MYH15: variants seen among roughly 807,000 people sequenced by gnomAD.
MYH15 encodes the protein myosin heavy chain 15, also known as myosin-15.
MYH15 carries 227 observed loss-of-function variants against 240.5 expected under a neutral mutation model. The observed-to-expected ratio is 0.94, with a 90% CI of 0.85 to 1.05. MYH15 has a LOEUF of 1.05. Ranked by LOEUF, MYH15 falls within the 50% of genes least tolerant of loss-of-function variation. The pLI, the probability that MYH15 is intolerant of heterozygous loss-of-function variation, is 0.00. For synonymous variants in MYH15, 785 were observed against 796.7 expected (o/e 0.99, Z 0.25); for missense variants, 2,217 against 2,247.5 (o/e 0.99, Z 0.27).
chr3:108,473,327 G>T (rs2083193347), intron 12 of MYH15, among the ~76,000 whole-genome samples: 1 of 152,124 alleles, frequency 6.6e-6, no homozygotes, highest in Admixed American at 6.5e-5. Context: ...TAACTATGTT[G>T]ATCCCTCTCT....
chr3:108,462,966 G>T, intron 16 of MYH15, 145 bp downstream of exon 16: 2 of 883,376 alleles, frequency 2.3e-6, no homozygotes, highest in Non-Finnish European at 3.4e-6. Context: ...CCAGCCTGAA[G>T]ACAGAAAGAC....
chr3:108,547,647 GAAAA>G, the MYH15 span, among the ~76,000 whole-genome samples: 8 of 152,120 alleles, frequency 5.3e-5, no homozygotes, highest in Non-Finnish European at 1.0e-4. Context: ...TGTATTAACT[GAAAA>G]ACTCTAAGTA....
chr3:108,423,740 C>T (rs1255644905), intron 27 of MYH15, among the ~76,000 whole-genome samples: 1 of 152,232 alleles, frequency 6.6e-6, no homozygotes, highest in Non-Finnish European at 1.5e-5. Flanking sequence ...CAAATTCACA[C>T]AGCTATTAAA....
At chr3:108,523,520 CATAT>C in intron 1 of MYH15, among the ~76,000 whole-genome samples, 2 of 151,968 alleles carry the variant, frequency 1.3e-5, no homozygotes, top group East Asian at 3.9e-4. Context: ...CACTCCTGTA[CATAT>C]ATAAATAACA....
chr3:108,489,958 G>A (rs1054087511), intron 9 of MYH15, among the ~76,000 whole-genome samples: 3 of 152,138 alleles, frequency 2.0e-5, no homozygotes, highest in African/African-American at 7.2e-5. Flanking sequence ...ATGAACTCAG[G>A]ATAAGCATGC....
chr3:108,468,871 A>C (rs542401154), intron 14 of MYH15, among the ~76,000 whole-genome samples: 1 of 152,318 alleles, frequency 6.6e-6, no homozygotes, highest in East Asian at 1.9e-4. Flanking sequence ...CAGAAGATAA[A>C]TCTGTTCCTC....
At chr3:108,416,346 T>C (rs193302013) in intron 29 of MYH15, among the ~76,000 whole-genome samples, 252 of 152,326 alleles carry the variant, frequency 1.7e-3, no homozygotes, top group African/African-American at 5.8e-3. Flanking sequence ...TGTTAGTCAC[T>C]ATGCTTTCAT....
intron 14 of MYH15, among the ~76,000 whole-genome samples, chr3:108,466,618 A>G (rs2083120466): frequency 6.6e-6 from 1 of 152,142 alleles, no homozygotes; most frequent in Non-Finnish European, 1.5e-5. Context: ...TACCTGAGTA[A>G]CGGGTTTCAT....
chr3:108,498,726 A>G (rs2083413535), intron 5 of MYH15, among the ~76,000 whole-genome samples: 3 of 152,226 alleles, frequency 2.0e-5, no homozygotes, highest in Admixed American at 2.0e-4. Context: ...TGTCTGTGAA[A>G]GGCTGAACTC....
At chr3:108,469,987 A>T (rs1430120509) in intron 14 of MYH15, 55 bp downstream of exon 14, 13 of 1,538,182 alleles carry the variant, frequency 8.5e-6, no homozygotes, top group Non-Finnish European at 1.1e-5. Context: ...TCAACATAGC[A>T]GGCAGGGACA....
chr3:108,444,508 T>G, intron 22 of MYH15, 132 bp downstream of exon 22: 1 of 1,042,702 alleles, frequency 9.6e-7, no homozygotes, highest in South Asian at 1.6e-5. Context: ...TCATTGTCTT[T>G]GGTTTTATAA....
In MYH15 at chr3:108,454,059, G is replaced by C. The variant is rs367925608; in HGVS notation, c.2346C>G (p.Ala782=). 2 of 1,612,902 alleles carry C rather than the reference G, an allele frequency of 1.2e-6. No individual in the cohort carries two copies. Among genetic ancestry groups the C allele is most frequent in the Non-Finnish European group, 1.7e-6 (2 of 1,179,378 alleles). ...RLSKVFTLFQ[A]RAQGKLMRIK... is the part of the protein sequence containing the mutation. ...TTCGCATCAGTTTGCCCTGTGCTCT[G>C]GCTTGGAACAATGTGAAGACTTTAG... is the stretch of plus-strand genomic sequence containing the variant. Residue 782 remains alanine, a synonymous_variant, in exon 21 of 41, where the codon GCC becomes GCG. Coordinates refer to ENST00000693548, the MANE Select transcript of MYH15 (RefSeq NM_014981.3).
chr3:108,435,656 C>G (rs1223010653), intron 25 of MYH15, among the ~76,000 whole-genome samples: 2 of 145,690 alleles, frequency 1.4e-5, no homozygotes, highest in Admixed American at 1.4e-4. Context: ...CTTTTCAAGG[C>G]TCAATAATAG....
chr3:108,416,844 C>T lies in MYH15; in HGVS notation c.3916G>A (p.Asp1306Asn), dbSNP rs538713855. The change falls in exon 29 of 41, where the codon GAC (aspartate) becomes AAC (asparagine). Residue 1306 changes from aspartate (D) to asparagine (N), a missense_variant. Asp to Asn is a conservative substitution (Grantham distance 23, BLOSUM62 1). Transcript: ENST00000693548. Reference sequence around the variant, plus strand: ...TCCTTTTCCAGCTGCCCTCTCAGGTCTTCAATCTGCCGAGTGAAGTTGCTC... The same window carrying T: ...TCCTTTTCCAGCTGCCCTCTCAGGTTTTCAATCTGCCGAGTGAAGTTGCTC... ...EKSNFTRQIE[D>N]LRGQLEKETK... 7.4e-6 allele frequency: 12 copies of T among 1,613,998 alleles called. No individual in the cohort carries two copies. In the East Asian group the frequency reaches 2.5e-4, roughly 33 times the overall value.
intron 22 of MYH15, 36 bp from the exon 23 acceptor site, chr3:108,441,296 G>A: frequency 6.2e-7 from 1 of 1,609,648 alleles, no homozygotes; most frequent in Non-Finnish European, 8.5e-7. Context: ...GCCAACAGCT[G>A]GAAGTAATTT....
intron 7 of MYH15, among the ~76,000 whole-genome samples, chr3:108,494,890 T>G (rs1413431903): frequency 2.0e-5 from 3 of 152,336 alleles, no homozygotes; most frequent in Non-Finnish European, 2.9e-5. Context: ...TCTGTCCCTT[T>G]ATTGCTCCCC....
chr3:108,439,556 C>G (rs995838847), intron 24 of MYH15, among the ~76,000 whole-genome samples, 181 bp downstream of exon 24: 1 of 152,188 alleles, frequency 6.6e-6, no homozygotes, highest in African/African-American at 2.4e-5. Flanking sequence ...ATGCAGAGAC[C>G]TCTCTTATAC....
chr3:108,512,245 C>T (rs969897253), upstream of MYH15, among the ~76,000 whole-genome samples: 4 of 152,066 alleles, frequency 2.6e-5, no homozygotes, highest in Non-Finnish European at 4.4e-5. Context: ...TATAGAAGAA[C>T]TCAAGGTAAA....
chr3:108,434,606 A>G (rs2107564210), intron 25 of MYH15, among the ~76,000 whole-genome samples: 1 of 152,352 alleles, frequency 6.6e-6, no homozygotes, highest in Non-Finnish European at 1.5e-5. Flanking sequence ...AGAGTACTCC[A>G]TTTAAAAATT....
Sources: gnomAD v4.1 joint callset for allele counts (sites outside exome capture counted in the v4.1 genomes callset) on GRCh38, gnomAD v4.1.1 for gene constraint, MANE v1.5 for transcripts, NCBI Gene and HGNC (gene_info 2026-07-23, HGNC 2026-07-21) for gene names.